Variants in CHD9 observed in about 807,000 individuals in gnomAD.
CHD9 encodes the protein ATP-dependent chromatin remodeler CHD9.
CHD9 carries 77 observed loss-of-function variants against 316.1 expected under a neutral mutation model. The ratio of observed to expected loss-of-function variants is 0.24; its 90% CI spans 0.20 to 0.29. CHD9 has a LOEUF of 0.29. Ranked by LOEUF, CHD9 falls within the 10% of genes least tolerant of loss-of-function variation. The pLI, the probability that CHD9 is intolerant of heterozygous loss-of-function variation, is 1.00. For missense variants in CHD9, 2,763 were observed against 3,438.1 expected, an observed-to-expected ratio of 0.80 and a Z score of 4.91; for synonymous variants, 1,129 against 1,158.3, an observed-to-expected ratio of 0.97 and a Z score of 0.51.
rs777767904 is a variant in CHD9, at chr16:53,303,854, C to T, written c.5848C>T (p.Leu1950Phe). The change falls in exon 31 of 39, where the codon CTT becomes TTT. Residue 1950 changes from leucine (L) to phenylalanine (F), a missense_variant. Coordinates refer to ENST00000447540, the MANE Select transcript of CHD9 (RefSeq NM_001308319.2). The part of the protein sequence containing the change: ...RHPQLFERLK[L>F]CHPNPDLPVW... ...TCCACAGTTGTTTGAACGCTTGAAG[C>T]TTTGCCATCCAAATCCAGATTTACC... is the stretch of plus-strand genomic sequence containing the variant. 1.9e-6 allele frequency: 3 copies of T among 1,613,922 alleles called. No individual in the cohort carries two copies. The highest frequency in any genetic ancestry group is 2.2e-5 in the South Asian group (2 of 91,094).
At chr16:53,133,001 G>A (rs917598083) in intron 1 of CHD9, among the ~76,000 whole-genome samples, 11 of 151,804 alleles carry the variant, frequency 7.2e-5, no homozygotes, top group Admixed American at 7.2e-4. Context: ...AAAAATTCAC[G>A]TTATGTAGTT....
At chr16:53,108,057 C>G (rs1015654733) in intron 1 of CHD9, among the ~76,000 whole-genome samples, 2 of 152,114 alleles carry the variant, frequency 1.3e-5, no homozygotes, top group Non-Finnish European at 2.9e-5. Context: ...AAGTTGGAGC[C>G]TTTCAAATAA....
chr16:53,245,570 T>G lies in CHD9; in HGVS notation c.3199-25T>G. ...TAATTAAATGCTCACTTATGTTATA[T>G]GTCTTTTTATCATTTTTTATTCAGG... On this transcript the variant is annotated intron_variant, in intron 14 of 38. Coordinates refer to ENST00000447540, the MANE Select transcript of CHD9 (RefSeq NM_001308319.2). This position sits in a 1 kb window ranked among gnomAD's most constrained non-coding sequence, Gnocchi z 4.1. 6.5e-7 allele frequency: 1 copy of G among 1,540,332 alleles called. No individual in the cohort carries two copies. Among genetic ancestry groups the G allele is most frequent in the Admixed American group, 2.2e-5 (1 of 46,110 alleles).
intron 2 of CHD9, among the ~76,000 whole-genome samples, chr16:53,180,984 C>T (rs2043463784): frequency 1.3e-5 from 2 of 151,600 alleles, no homozygotes. Flanking sequence ...CTGAAACAGG[C>T]ATCTCTAATA....
intron 2 of CHD9, among the ~76,000 whole-genome samples, chr16:53,207,635 C>T (rs1253003459): frequency 6.6e-6 from 1 of 151,268 alleles, no homozygotes; most frequent in Non-Finnish European, 1.5e-5. Context: ...CTCTTTAACC[C>T]TTTGCTAATC....
At chr16:53,104,598 G>T (rs1182999962) in intron 1 of CHD9, among the ~76,000 whole-genome samples, 8 of 152,108 alleles carry the variant, frequency 5.3e-5, no homozygotes, top group Non-Finnish European at 1.0e-4. Flanking sequence ...ATCACTTGAG[G>T]TCAGGAGTTG....
At chr16:53,140,071 C>T (rs2039989120) in intron 1 of CHD9, among the ~76,000 whole-genome samples, 1 of 151,888 alleles carries the variant, frequency 6.6e-6, no homozygotes, top group Non-Finnish European at 1.5e-5. Context: ...ACACTCCAAC[C>T]TGGGCAACAG....
rs573866996 is a variant in CHD9 at position 53,214,497 on chromosome 16, T to C, written c.1784+4684T>C. Among the ~76,000 whole-genome samples, 52 of 152,102 alleles carry C rather than the reference T, an allele frequency of 3.4e-4. 2 individuals carry two copies. In the South Asian group the frequency reaches 0.01, roughly 31 times the overall value. Reference sequence around the variant, plus strand: ...TTTAAATTTATTATGAATTTTTTATTATTAGGCATACCATTAGTAGTCTCC... The same window carrying C: ...TTTAAATTTATTATGAATTTTTTATCATTAGGCATACCATTAGTAGTCTCC... On this transcript the variant is annotated intron_variant, in intron 3 of 38. Coordinates refer to ENST00000447540, the MANE Select transcript of CHD9 (RefSeq NM_001308319.2).
At chr16:53,223,756 T>A (rs1420459327) in intron 4 of CHD9, among the ~76,000 whole-genome samples, 3 of 152,168 alleles carry the variant, frequency 2.0e-5, no homozygotes, top group African/African-American at 7.2e-5. Flanking sequence ...GGTGTGTTGC[T>A]TTAACACACA....
Position 53,247,379 on chromosome 16 carries a change from G to T in CHD9, c.3541G>T (p.Ala1181Ser). Residue 1181 changes from alanine (A) to serine (S), a missense_variant, in exon 16 of 39, where the codon GCT becomes TCT. Ala to Ser is a moderately conservative substitution (Grantham distance 99). Coordinates refer to ENST00000447540, the MANE Select transcript of CHD9 (RefSeq NM_001308319.2). ...DFHLQAMIQS[A>S]GKLVLIDKLL... is the part of the protein sequence containing the mutation. ...TCATCTTCAAGCAATGATCCAGTCT[G>T]CTGGTAAATTGGTCCTTATTGATAA... 6.2e-7 allele frequency: 1 copy of T among 1,608,272 alleles called. No individual in the cohort carries two copies. Among genetic ancestry groups the T allele is most frequent in the Non-Finnish European group, 8.5e-7 (1 of 1,176,790 alleles).
At chr16:53,161,169 C>T (rs1233862010) in intron 2 of CHD9, among the ~76,000 whole-genome samples, 2 of 152,012 alleles carry the variant, frequency 1.3e-5, no homozygotes, top group African/African-American at 2.4e-5. Context: ...ATTTGGGATT[C>T]GTTGATTGTG....
At chr16:53,159,366 G>T (rs572370095) in intron 2 of CHD9, among the ~76,000 whole-genome samples, 4 of 151,930 alleles carry the variant, frequency 2.6e-5, no homozygotes, top group Admixed American at 1.3e-4. Context: ...CAATTTTGTC[G>T]TGAACATATT....
chr16:53,231,805 G>C, intron 10 of CHD9, 21 bp downstream of exon 10: 1 of 1,569,164 alleles, frequency 6.4e-7, no homozygotes, highest in Non-Finnish European at 8.6e-7. Flanking sequence ...GTTTTAGACA[G>C]CTTTATAAAA....
rs962937643 is a variant in CHD9 at position 53,299,626 on chromosome 16, T to C, written c.5713+2468T>C. On this transcript the variant is annotated intron_variant, in intron 30 of 38. Coordinates refer to ENST00000447540, the MANE Select transcript of CHD9 (RefSeq NM_001308319.2). The stretch of plus-strand genomic sequence containing the variant: ...TTCATTGAAAACAATGTGTCAAAAT[T>C]GAGCTTCCTTTTGAGTGACATTTCA... The C allele has an allele frequency of 1.8e-5, 7 of 383,760 alleles. No individual in the cohort carries two copies. In the Admixed American group the frequency reaches 1.9e-4, roughly 10 times the overall value. The allele number at this position is 383,760 out of a possible 1,614,324, so 23.8% of individuals were successfully genotyped here.
At chr16:53,194,156 G>A (rs1018215237) in intron 2 of CHD9, among the ~76,000 whole-genome samples, 1 of 151,930 alleles carries the variant, frequency 6.6e-6, no homozygotes, top group Non-Finnish European at 1.5e-5. Context: ...AAGAATTCAA[G>A]GTTCCAGTGA....
At chr16:53,150,825 G>A (rs1203938011) in intron 1 of CHD9, among the ~76,000 whole-genome samples, 1 of 152,256 alleles carries the variant, frequency 6.6e-6, no homozygotes, top group East Asian at 1.9e-4. Flanking sequence ...CATGGTTTCT[G>A]ATGAGAAATC....
intron 24 of CHD9, among the ~76,000 whole-genome samples, chr16:53,276,836 A>C (rs775283683): frequency 4.6e-5 from 7 of 152,172 alleles, no homozygotes; most frequent in Non-Finnish European, 8.8e-5. Context: ...AAACTCCTTT[A>C]AAAAGTTGCC....
intron 1 of CHD9, among the ~76,000 whole-genome samples, chr16:53,099,775 C>T (rs1416710144): frequency 6.6e-6 from 1 of 152,234 alleles, no homozygotes; most frequent in African/African-American, 2.4e-5. Flanking sequence ...CTCTCCATGA[C>T]AGCAGACTCT....
At chr16:53,193,067 G>A (rs1444211047) in intron 2 of CHD9, among the ~76,000 whole-genome samples, 5 of 152,120 alleles carry the variant, frequency 3.3e-5, no homozygotes, top group African/African-American at 1.2e-4. Context: ...GTCCAAAGTG[G>A]TTGTACCATT....
Sources: gnomAD v4.1 joint callset for allele counts (sites outside exome capture counted in the v4.1 genomes callset) on GRCh38, gnomAD v4.1.1 for gene constraint, Gnocchi (gnomAD v3.1) non-coding constraint, MANE v1.5 for transcripts, NCBI Gene and HGNC (gene_info 2026-07-23, HGNC 2026-07-21) for gene names.